The following DMD variants were observed in gnomAD, a reference collection of about 807,000 sequenced individuals.
DMD encodes the protein mutant dystrophin.
In DMD, 63 loss-of-function variants were observed where a neutral mutation model predicts 330.1. The ratio of observed to expected loss-of-function variants is 0.19; its 90% confidence interval spans 0.16 to 0.24. DMD has a LOEUF of 0.24. Ranked by LOEUF, DMD falls within the 10% of genes least tolerant of loss-of-function variation. DMD has a pLI of 1.00. For missense variants in DMD, 3,344 were observed against 2,684.1 expected, an observed-to-expected ratio of 1.25 and a Z score of -5.43; for synonymous variants, 1,223 against 959.8, an observed-to-expected ratio of 1.27 and a Z score of -5.07.
At chrX:31,571,700 TG>T (rs1168296100) in intron 55 of DMD, among the ~76,000 whole-genome samples, 1 of 111,654 alleles carries the variant, frequency 9.0e-6, no homozygotes, top group Non-Finnish European at 1.9e-5. Flanking sequence ...TTGGCACTAC[TG>T]ACATATTGGA....
chrX:32,793,319 G>A (rs2075956339), intron 7 of DMD, among the ~76,000 whole-genome samples: 1 of 110,615 alleles, frequency 9.0e-6, no homozygotes, highest in Admixed American at 9.6e-5. Flanking sequence ...TAGCAAAAAT[G>A]CTCACATCAA....
chrX:31,418,709 G>A (rs957914989), intron 60 of DMD, among the ~76,000 whole-genome samples: 1 of 112,117 alleles, frequency 8.9e-6, no homozygotes, highest in Non-Finnish European at 1.9e-5. Flanking sequence ...ACGAAAGGAT[G>A]AGAACTTGAT....
At chrX:32,662,761 G>C (rs1014105907) in intron 9 of DMD, among the ~76,000 whole-genome samples, 1 of 111,748 alleles carries the variant, frequency 8.9e-6, no homozygotes, top group Non-Finnish European at 1.9e-5. Context: ...GGATGGAAAG[G>C]CTGCAGAATT....
chrX:31,752,137 C>T (rs2088630203), intron 51 of DMD, among the ~76,000 whole-genome samples: 1 of 111,899 alleles, frequency 8.9e-6, no homozygotes, highest in African/African-American at 3.2e-5. Flanking sequence ...GCTATCTCTC[C>T]GTGTCAAGAT....
chrX:31,450,868 G>C (rs1424941457), intron 59 of DMD, among the ~76,000 whole-genome samples: 1 of 111,620 alleles, frequency 9.0e-6, no homozygotes, highest in African/African-American at 3.3e-5. Flanking sequence ...AGAAGGTGTG[G>C]TGGGACATGC....
intron 41 of DMD, among the ~76,000 whole-genome samples, chrX:32,323,649 ATTG>A (rs2097633532): frequency 8.9e-6 from 1 of 111,970 alleles, no homozygotes. Context: ...TAGGCATAAA[ATTG>A]TTGTTTAAAA....
intron 50 of DMD, among the ~76,000 whole-genome samples, chrX:31,775,408 C>T (rs911790785): frequency 9.0e-6 from 1 of 110,839 alleles, no homozygotes; most frequent in Non-Finnish European, 1.9e-5. Context: ...AGTCAAAAGT[C>T]CGTGTGTGGC....
intron 2 of DMD, among the ~76,000 whole-genome samples, chrX:32,904,415 G>C (rs2086561241): frequency 9.0e-6 from 1 of 111,413 alleles, no homozygotes; most frequent in Non-Finnish European, 1.9e-5. Context: ...TAGAGAGGAA[G>C]ATAGGTTTAA....
rs187418707 is a variant in DMD, at chrX:32,823,633, A to G, written c.265-246T>C. The stretch of plus-strand genomic sequence containing the variant: ...AGATTACTGCAGATTAAAGAGGTCA[A>G]CTGGAGTATCTCCAAATAAAATGTC... On this transcript the variant is annotated intron_variant, in intron 4 of 78. Transcript: ENST00000357033. Among the ~76,000 whole-genome samples the G allele has an allele frequency of 2.5e-4, 28 of 112,021 alleles. No individual in the cohort carries two copies. The East Asian group carries it at 7.3e-3, about 29-fold the overall frequency.
chrX:32,336,072 TATAAC>T (rs1446488050), intron 41 of DMD, among the ~76,000 whole-genome samples: 3 of 106,735 alleles, frequency 2.8e-5, no homozygotes, highest in African/African-American at 6.9e-5. Context: ...ATAACGTGTG[TATAAC>T]ATGTTATATA....
intron 1 of DMD, 43 bp downstream of exon 1, chrX:33,211,239 G>A (rs2051893934): frequency 8.4e-7 from 1 of 1,191,152 alleles, no homozygotes; most frequent in Non-Finnish European, 1.1e-6. Flanking sequence ...CAAACTAAAC[G>A]TTATGCCACA....
At chrX:32,214,930 C>T (rs1012268586) in intron 44 of DMD, among the ~76,000 whole-genome samples, 8 of 111,113 alleles carry the variant, frequency 7.2e-5, no homozygotes, top group African/African-American at 1.3e-4. Context: ...TTAAATTAAC[C>T]CAGAATAGAC....
intron 21 of DMD, among the ~76,000 whole-genome samples, chrX:32,475,613 G>C (rs1181180262): frequency 9.0e-6 from 1 of 110,909 alleles, no homozygotes; most frequent in Non-Finnish European, 1.9e-5. Flanking sequence ...TGTTGTTGTT[G>C]TTATTTTATT....
intron 9 of DMD, among the ~76,000 whole-genome samples, chrX:32,689,190 A>G (rs1264565371): frequency 9.0e-6 from 1 of 111,204 alleles, no homozygotes; most frequent in African/African-American, 3.3e-5. Context: ...TTTTGTTTTT[A>G]AGTTACTTAC....
At chrX:31,978,042 A>G (rs908002076) in intron 44 of DMD, among the ~76,000 whole-genome samples, 1 of 111,725 alleles carries the variant, frequency 9.0e-6, no homozygotes, top group African/African-American at 3.2e-5. Flanking sequence ...TTTAGCTTGT[A>G]TGAAGGAAAA....
intron 2 of DMD, among the ~76,000 whole-genome samples, chrX:33,017,359 C>G (rs902740382): frequency 3.2e-5 from 3 of 93,248 alleles, no homozygotes; most frequent in African/African-American, 7.4e-5. Context: ...TATCATCTGT[C>G]TGTGTGGTAA....
In DMD at chrX:31,172,414, C is replaced by G. The variant is rs776195829; in HGVS notation, c.10329-1G>C. 8.4e-7 allele frequency: 1 copy of G among 1,189,261 alleles called. No homozygotes were observed. The highest frequency in any genetic ancestry group is 1.8e-5 in the African/African-American group (1 of 56,864). ...ATTGCTGTTTTCCATTTCTGCTAGC[C>G]TGATAAAAAACGTAAAAGCTCATTA... On this transcript the variant is annotated splice_acceptor_variant, in intron 72 of 78. Coordinates refer to ENST00000357033, the MANE Select transcript of DMD (RefSeq NM_004006.3). LOFTEE classifies it high-confidence loss of function.
chrX:32,909,385 A>G (rs2087024873), intron 2 of DMD, among the ~76,000 whole-genome samples: 1 of 111,830 alleles, frequency 8.9e-6, no homozygotes, highest in Non-Finnish European at 1.9e-5. Context: ...TAGTCATTCT[A>G]TGGATGAGTT....
chrX:32,471,926 C>T (rs1260044647), intron 22 of DMD, among the ~76,000 whole-genome samples: 1 of 111,790 alleles, frequency 8.9e-6, no homozygotes, highest in African/African-American at 3.3e-5. Context: ...TAAAAATATA[C>T]TTCATAAATA....
Sources: allele counts gnomAD v4.1 joint callset (sites outside exome capture counted in the v4.1 genomes callset), GRCh38; gene constraint gnomAD v4.1.1; transcripts MANE v1.5; gene names NCBI Gene and HGNC (gene_info 2026-07-23, HGNC 2026-07-21).